PSTPIP2: variants seen among roughly 807,000 people sequenced by gnomAD.
PSTPIP2 encodes proline-serine-threonine phosphatase-interacting protein 2.
In PSTPIP2, 33 loss-of-function variants were observed where a neutral mutation model predicts 63.3. The ratio of observed to expected loss-of-function variants is 0.52; its 90% CI spans 0.40 to 0.70. The LOEUF is 0.70. Ranked by LOEUF, PSTPIP2 falls within the 30% of genes least tolerant of loss-of-function variation. PSTPIP2 has a pLI of 0.00. For missense variants in PSTPIP2, 312 were observed against 400.7 expected (o/e 0.78, Z 1.89); for synonymous variants, 125 against 132.7 (o/e 0.94, Z 0.40).
intron 12 of PSTPIP2, among the ~76,000 whole-genome samples, chr18:45,991,437 G>T (rs1253003437): frequency 1.3e-5 from 2 of 152,162 alleles, no homozygotes; most frequent in Non-Finnish European, 2.9e-5. Flanking sequence ...GTGAGTGAGG[G>T]TGCTTGTGTG....
chr18:46,070,238 C>CA (rs1283968442), intron 1 of PSTPIP2, among the ~76,000 whole-genome samples: 5 of 152,198 alleles, frequency 3.3e-5, no homozygotes, highest in African/African-American at 7.2e-5. Flanking sequence ...ACCAGCCCCT[C>CA]AAACCCTGCA....
At chr18:46,012,543 G>A (rs1030715400) in intron 4 of PSTPIP2, among the ~76,000 whole-genome samples, 1 of 152,302 alleles carries the variant, frequency 6.6e-6, no homozygotes, top group Admixed American at 6.5e-5. Flanking sequence ...GGGAGGCTGA[G>A]GTGGGTGTAT....
At chr18:46,064,486 G>T in intron 1 of PSTPIP2, among the ~76,000 whole-genome samples, 1 of 100,794 alleles carries the variant, frequency 9.9e-6, no homozygotes. Flanking sequence ...TTTAAGTAAA[G>T]ACGGGGTTTC....
At chr18:45,992,337 C>T (rs1161993974) in intron 10 of PSTPIP2, 135 bp from the exon 11 acceptor site, 5 of 706,472 alleles carry the variant, frequency 7.1e-6, no homozygotes, top group East Asian at 2.8e-5. Flanking sequence ...TTGGGGTGGG[C>T]GGATCACAAG....
intron 2 of PSTPIP2, among the ~76,000 whole-genome samples, chr18:46,033,584 G>T (rs1907859832): frequency 6.6e-6 from 1 of 151,994 alleles, no homozygotes; most frequent in Non-Finnish European, 1.5e-5. Context: ...TGTAGTCCCA[G>T]GTACTTAGGA....
intron 1 of PSTPIP2, among the ~76,000 whole-genome samples, chr18:46,041,920 G>A (rs1908209475): frequency 6.6e-6 from 1 of 152,076 alleles, no homozygotes; most frequent in African/African-American, 2.4e-5. Context: ...GGGATAAGGG[G>A]TTTCTAAAGA....
chr18:46,056,702 G>A (rs1474670594), intron 1 of PSTPIP2, among the ~76,000 whole-genome samples: 1 of 152,190 alleles, frequency 6.6e-6, no homozygotes, highest in Non-Finnish European at 1.5e-5. Flanking sequence ...ACTCCAGCCT[G>A]GGCAGAAGAG....
rs547022324 is a variant in PSTPIP2 at position 46,066,920 on chromosome 18, G to C, written c.33+5236C>G. Among the ~76,000 whole-genome samples the C allele has an allele frequency of 5.3e-5, 8 of 151,384 alleles. No homozygotes were observed. In the South Asian group the frequency reaches 1.5e-3, roughly 28 times the overall value. On this transcript the variant is annotated intron_variant, in intron 1 of 14. Coordinates refer to ENST00000409746, the MANE Select transcript of PSTPIP2 (RefSeq NM_024430.4). ...CGCATGCCTGTAATCCCAGCTACTC[G>C]GGAGGCTGAGGCAGAAGAATCGCTT...
chr18:46,030,038 C>A (rs1257473427), intron 2 of PSTPIP2, among the ~76,000 whole-genome samples: 2 of 152,042 alleles, frequency 1.3e-5, no homozygotes, highest in Non-Finnish European at 1.5e-5. Context: ...CACCTGAACC[C>A]AGGAGGCGGA....
chr18:46,027,619 G>A (rs1265611130), intron 2 of PSTPIP2, among the ~76,000 whole-genome samples: 2 of 152,074 alleles, frequency 1.3e-5, no homozygotes, highest in Admixed American at 1.3e-4. Flanking sequence ...GAGCCTGGGA[G>A]TTTGAGGCTG....
At chr18:46,053,563 A>T (rs141755111) in intron 1 of PSTPIP2, among the ~76,000 whole-genome samples, 1 of 152,208 alleles carries the variant, frequency 6.6e-6, no homozygotes, top group East Asian at 1.9e-4. Context: ...TTGATGTGAA[A>T]CACATGTGAA....
At chr18:45,992,391 T>C (rs1292894300) in intron 10 of PSTPIP2, among the ~76,000 whole-genome samples, 189 bp from the exon 11 acceptor site, 1 of 151,710 alleles carries the variant, frequency 6.6e-6, no homozygotes, top group Non-Finnish European at 1.5e-5. Flanking sequence ...TGAAACCCCA[T>C]CTCTGTTTAA....
At chr18:45,993,853 T>C in intron 9 of PSTPIP2, 150 bp from the exon 10 acceptor site, 1 of 642,894 alleles carries the variant, frequency 1.6e-6, no homozygotes, top group Non-Finnish European at 2.8e-6. Flanking sequence ...CTGAGGAAAC[T>C]CATAAACTCA....
intron 2 of PSTPIP2, among the ~76,000 whole-genome samples, chr18:46,033,982 T>TA (rs1229896174): frequency 6.6e-6 from 1 of 152,168 alleles, no homozygotes; most frequent in Non-Finnish European, 1.5e-5. Flanking sequence ...CCAACAGTCC[T>TA]AAAAAACTAA....
intron 2 of PSTPIP2, among the ~76,000 whole-genome samples, chr18:46,025,929 A>G (rs2144097571): frequency 6.6e-6 from 1 of 152,118 alleles, no homozygotes; most frequent in East Asian, 1.9e-4. Flanking sequence ...TAATTTTTGT[A>G]TTTTTAGTGG....
At chr18:46,021,796 A>C (rs1907363748) in intron 3 of PSTPIP2, among the ~76,000 whole-genome samples, 1 of 149,264 alleles carries the variant, frequency 6.7e-6, no homozygotes, top group Admixed American at 6.7e-5. Flanking sequence ...AAATACAAAA[A>C]ATTAGCCGGG....
chr18:46,072,193 G>A lies in PSTPIP2; in HGVS notation c.-5C>T, dbSNP rs1199133438. Reference sequence around the variant, plus strand: ...CTTGAACAGTGAGCGCGTCATCGCAGCGCGAGTGGGGGCGCGGAGGAGAGC... The same window carrying A: ...CTTGAACAGTGAGCGCGTCATCGCAACGCGAGTGGGGGCGCGGAGGAGAGC... On this transcript the variant is annotated 5_prime_UTR_variant, in exon 1 of 15. Transcript: ENST00000409746. 2 of 1,535,822 alleles carry A rather than the reference G, an allele frequency of 1.3e-6. No individual in the cohort carries two copies. Among genetic ancestry groups the A allele is most frequent in the Non-Finnish European group, 1.8e-6 (2 of 1,141,212 alleles).
chr18:46,036,804 G>A (rs1907997036), intron 2 of PSTPIP2, among the ~76,000 whole-genome samples: 1 of 152,194 alleles, frequency 6.6e-6, no homozygotes, highest in South Asian at 2.1e-4. Flanking sequence ...TCACCAGGAA[G>A]TATAGCATCT....
intron 1 of PSTPIP2, among the ~76,000 whole-genome samples, chr18:46,066,983 C>T (rs938877176): frequency 1.1e-4 from 16 of 149,866 alleles, no homozygotes; most frequent in Admixed American, 6.7e-5. Context: ...GCCGAGATCT[C>T]GCAACTGCAC....
Sources: allele counts gnomAD v4.1 joint callset (sites outside exome capture counted in the v4.1 genomes callset), GRCh38; gene constraint gnomAD v4.1.1; transcripts MANE v1.5; gene names NCBI Gene and HGNC (gene_info 2026-07-23, HGNC 2026-07-21).